The following AUTS2 variants were observed in gnomAD, a reference collection of about 807,000 sequenced individuals.
AUTS2 encodes autism susceptibility gene 2 protein.
AUTS2 carries 17 observed loss-of-function variants against 112.4 expected under a neutral mutation model. The observed-to-expected ratio is 0.15, with a 90% CI of 0.10 to 0.23. The LOEUF is 0.23. Among genes scored for constraint, AUTS2 ranks in the 10% least tolerant of loss-of-function variants. The pLI is 1.00. For synonymous variants in AUTS2, 751 were observed against 702.7 expected (o/e 1.07, Z -1.09); for missense variants, 1,510 against 1,701.6 (o/e 0.89, Z 1.98).
At chr7:70,460,014 C>G (rs937198652) in intron 5 of AUTS2, among the ~76,000 whole-genome samples, 8 of 152,280 alleles carry the variant, frequency 5.3e-5, no homozygotes, top group Admixed American at 2.6e-4. Flanking sequence ...ACCAGGCCCC[C>G]AATAGACGTT....
At chr7:70,423,533 C>G (rs1383754275) in intron 4 of AUTS2, among the ~76,000 whole-genome samples, 1 of 152,162 alleles carries the variant, frequency 6.6e-6, no homozygotes, top group East Asian at 1.9e-4. Flanking sequence ...GCATAACTTA[C>G]AAATTTAAAC....
chr7:69,874,370 C>G (rs1324278849), intron 1 of AUTS2, among the ~76,000 whole-genome samples: 1 of 152,102 alleles, frequency 6.6e-6, no homozygotes, highest in Non-Finnish European at 1.5e-5. Flanking sequence ...TAAGCAGGGT[C>G]CCAGTCATGG....
chr7:70,353,861 CTT>C (rs909797804), intron 4 of AUTS2, among the ~76,000 whole-genome samples: 1 of 152,200 alleles, frequency 6.6e-6, no homozygotes, highest in Non-Finnish European at 1.5e-5. Context: ...TGTATCCTCT[CTT>C]GTTGTCAGCT....
chr7:69,892,456 A>G (rs1011884995), intron 1 of AUTS2, among the ~76,000 whole-genome samples: 1 of 152,112 alleles, frequency 6.6e-6, no homozygotes, highest in African/African-American at 2.4e-5. Context: ...AGAATTTATT[A>G]AATTAATATA....
rs898846130 is a variant in AUTS2 at position 70,784,705 on chromosome 7, G to A, written c.2147-237G>A. 17 of 529,536 alleles carry A rather than the reference G, an allele frequency of 3.2e-5. 1 individual carries two copies. Among genetic ancestry groups the A allele is most frequent in the South Asian group, 4.7e-5 (2 of 42,512 alleles). 32.8% of individuals were successfully genotyped at this position (529,536 alleles called of 1,614,324 possible). ...GTTTTTGGTGGTGGCCAGCCACGCT[G>A]GGAAAGAGAAAGAGGGATGATTGAT... On this transcript the variant is annotated intron_variant, in intron 15 of 18. Transcript: ENST00000342771.
At chr7:69,995,889 A>G (rs1340063974) in intron 2 of AUTS2, among the ~76,000 whole-genome samples, 1 of 152,064 alleles carries the variant, frequency 6.6e-6, no homozygotes, top group African/African-American at 2.4e-5. Flanking sequence ...CTGCCTACTT[A>G]CTGTCTGAGC....
chr7:70,236,814 C>A (rs1812352677), intron 4 of AUTS2, among the ~76,000 whole-genome samples: 1 of 152,178 alleles, frequency 6.6e-6, no homozygotes, highest in Admixed American at 6.5e-5. Context: ...ATTGCCATCC[C>A]ACTTTGGCAG....
intron 2 of AUTS2, among the ~76,000 whole-genome samples, chr7:70,108,010 C>CAA (rs1206864743): frequency 2.8e-5 from 3 of 107,698 alleles, no homozygotes; most frequent in Admixed American, 9.8e-5. Flanking sequence ...GACTCTGTCT[C>CAA]AAAAAAAAAA....
chr7:69,858,071 G>A (rs1333121060), intron 1 of AUTS2, among the ~76,000 whole-genome samples: 1 of 152,140 alleles, frequency 6.6e-6, no homozygotes, highest in African/African-American at 2.4e-5. Flanking sequence ...TCTACCCCCA[G>A]TCTGTTCTCC....
At chr7:70,371,056 C>T (rs1239175490) in intron 4 of AUTS2, among the ~76,000 whole-genome samples, 3 of 152,174 alleles carry the variant, frequency 2.0e-5, no homozygotes, top group East Asian at 1.9e-4. Context: ...AGGAATTGGA[C>T]GCAGCCTTTT....
intron 4 of AUTS2, among the ~76,000 whole-genome samples, chr7:70,383,856 C>G (rs1198479884): frequency 6.6e-6 from 1 of 152,180 alleles, no homozygotes; most frequent in Non-Finnish European, 1.5e-5. Context: ...TAGACGATGC[C>G]TTTGTACTCT....
intron 1 of AUTS2, among the ~76,000 whole-genome samples, chr7:69,828,738 T>C (rs371821849): frequency 3.4e-4 from 52 of 152,280 alleles, no homozygotes; most frequent in African/African-American, 1.2e-3. Context: ...TCTCATACTT[T>C]GCTTCCATAT....
chr7:69,961,813 CT>C (rs1797441926), intron 2 of AUTS2, among the ~76,000 whole-genome samples: 1 of 152,096 alleles, frequency 6.6e-6, no homozygotes, highest in South Asian at 2.1e-4. Context: ...GTTTTCCTCC[CT>C]TTAATTTAAT....
intron 4 of AUTS2, among the ~76,000 whole-genome samples, chr7:70,289,093 C>T (rs1424569853): frequency 2.0e-5 from 3 of 152,182 alleles, no homozygotes; most frequent in Admixed American, 6.5e-5. Flanking sequence ...ACCAGACTCA[C>T]AAGCTTAGTT....
At chr7:70,338,837 T>C (rs924036731) in intron 4 of AUTS2, among the ~76,000 whole-genome samples, 10 of 110,518 alleles carry the variant, frequency 9.0e-5, no homozygotes, top group African/African-American at 3.9e-4. Context: ...TCATCTCTTA[T>C]TTATTTATTT....
intron 4 of AUTS2, among the ~76,000 whole-genome samples, chr7:70,416,668 A>G (rs1224017138): frequency 1.3e-5 from 2 of 152,204 alleles, no homozygotes; most frequent in African/African-American, 4.8e-5. Flanking sequence ...CCCACAAAAT[A>G]TGTTCTCTCG....
intron 4 of AUTS2, among the ~76,000 whole-genome samples, chr7:70,140,958 A>T (rs1806830257): frequency 6.6e-6 from 1 of 152,196 alleles, no homozygotes; most frequent in Non-Finnish European, 1.5e-5. Context: ...CATGGCTCTC[A>T]AGTCAAAGAT....
chr7:69,951,212 G>C (rs1399197797), intron 2 of AUTS2, among the ~76,000 whole-genome samples: 2 of 152,032 alleles, frequency 1.3e-5, no homozygotes, highest in South Asian at 4.1e-4. Flanking sequence ...CTTTAAAATG[G>C]CTTCCTAAGT....
At chr7:70,583,787 A>C (rs1381152034) in intron 5 of AUTS2, among the ~76,000 whole-genome samples, 2 of 152,234 alleles carry the variant, frequency 1.3e-5, no homozygotes, top group Non-Finnish European at 2.9e-5. Context: ...AAGCAAAAAA[A>C]ACTGCCTTCT....
Sources: allele counts gnomAD v4.1 joint callset (sites outside exome capture counted in the v4.1 genomes callset), GRCh38; gene constraint gnomAD v4.1.1; transcripts MANE v1.5; gene names NCBI Gene and HGNC (gene_info 2026-07-23, HGNC 2026-07-21).